Variants in IL1RN observed in about 807,000 individuals in gnomAD.
IL1RN encodes interleukin-1 receptor antagonist protein.
In IL1RN, 10 loss-of-function variants were observed where a neutral mutation model predicts 13.7. The ratio of observed to expected loss-of-function variants is 0.73; its 90% confidence interval spans 0.45 to 1.24. The LOEUF (loss-of-function observed/expected upper bound fraction) is 1.24, where lower values mean the gene tolerates loss of function less well. IL1RN is among the 50% of genes most tolerant of loss of function. The pLI is 0.00. For missense variants in IL1RN, 213 were observed against 222.1 expected, an observed-to-expected ratio of 0.96 and a Z score of 0.26; for synonymous variants, 102 against 82.7, an observed-to-expected ratio of 1.23 and a Z score of -1.27.
At position 113,133,319 on chromosome 2, in the gene IL1RN, G is replaced by T; in HGVS notation, c.*448G>T. 2 of 183,950 alleles carry T rather than the reference G, an allele frequency of 1.1e-5. No homozygotes were observed. Among genetic ancestry groups the T allele is most frequent in the South Asian group, 1.1e-4 (1 of 8,738 alleles). The allele number at this position is 183,950 out of a possible 1,614,324, so 11.4% of individuals were successfully genotyped here. ...CAGTCCATGAGGGAGGTTTTTAAGG[G>T]TTTGTGGAAAATGAAAATTAGGATT... is the stretch of plus-strand genomic sequence containing the variant. On this transcript the variant is annotated 3_prime_UTR_variant, in exon 4 of 4. Coordinates refer to ENST00000409930, the MANE Select transcript of IL1RN (RefSeq NM_173842.3).
upstream of IL1RN, among the ~76,000 whole-genome samples, chr2:113,116,397 T>G (rs554665487): frequency 4.5e-4 from 69 of 151,828 alleles, no homozygotes; most frequent in African/African-American, 1.6e-3. Context: ...AGCCAAACCT[T>G]ACACACCTTG....
chr2:113,123,129 A>AAAAT (rs547212860), upstream of IL1RN, among the ~76,000 whole-genome samples: 513 of 152,346 alleles, frequency 3.4e-3, 4 homozygotes, highest in African/African-American at 0.011. Flanking sequence ...CCATCTCAAA[A>AAAAT]AAATAAATAA....
upstream of IL1RN, among the ~76,000 whole-genome samples, chr2:113,110,147 A>ATGTCATT (rs1475955776): frequency 6.6e-6 from 1 of 152,212 alleles, no homozygotes; most frequent in Non-Finnish European, 1.5e-5. Flanking sequence ...ATCTGACTCC[A>ATGTCATT]TGTCATTCAC....
At chr2:113,127,554 A>G, upstream of IL1RN, 1 of 1,577,028 alleles carries the variant, frequency 6.3e-7, no homozygotes, top group Non-Finnish European at 8.6e-7. Context: ...AGCTTGGGTG[A>G]GTGACTATTT....
chr2:113,104,422 G>A (rs1686358822), upstream of IL1RN, among the ~76,000 whole-genome samples: 3 of 152,068 alleles, frequency 2.0e-5, no homozygotes, highest in South Asian at 6.2e-4. Flanking sequence ...TGAAAGGCTG[G>A]GTAGTGGGTA....
intron 2 of IL1RN, chr2:113,121,705 T>A (rs1232641421): frequency 4.1e-6 from 3 of 733,292 alleles, no homozygotes; most frequent in Non-Finnish European, 5.0e-6. Context: ...CCCTTCATCA[T>A]CCAGGAGAGC....
upstream of IL1RN, among the ~76,000 whole-genome samples, chr2:113,103,996 GT>G (rs112148416): frequency 1.1e-3 from 163 of 146,170 alleles, no homozygotes; most frequent in Admixed American, 2.1e-3. Flanking sequence ...ATCAAGGGGT[GT>G]TTTTTTTTTT....
At position 113,132,636 on chromosome 2, in the gene IL1RN, G is replaced by A. The variant is rs776631336; in HGVS notation, c.319-20G>A. On this transcript the variant is annotated intron_variant, in intron 3 of 3. Transcript: ENST00000409930. ...ACTTCCTAGGCCTCAGCTCTCACCTGCCCATCTTTTGATTTCCAGGCAGTT... is the reference window on the plus strand; with the variant it reads ...ACTTCCTAGGCCTCAGCTCTCACCTACCCATCTTTTGATTTCCAGGCAGTT... 8.7e-6 allele frequency: 14 copies of A among 1,611,070 alleles called. No homozygotes were observed. Among genetic ancestry groups the A allele is most frequent in the Non-Finnish European group, 1.2e-5 (14 of 1,177,190 alleles).
chr2:113,123,989 C>G (rs182261679), upstream of IL1RN, among the ~76,000 whole-genome samples: 177 of 152,222 alleles, frequency 1.2e-3, 1 homozygote, highest in Non-Finnish European at 2.2e-3. Context: ...AAGATGTGTC[C>G]CCTTACAGCA....
upstream of IL1RN, chr2:113,115,442 T>G (rs1276803467): frequency 1.3e-5 from 2 of 152,194 alleles, no homozygotes; most frequent in Non-Finnish European, 2.9e-5. Flanking sequence ...ATCTTGCTCC[T>G]CCATTCCTGA....
At chr2:113,111,614 A>C (rs1017682690) in intron 1 of IL1RN, among the ~76,000 whole-genome samples, 1 of 152,212 alleles carries the variant, frequency 6.6e-6, no homozygotes, top group African/African-American at 2.4e-5. Flanking sequence ...GTGTGGGTAT[A>C]TAAAGGCCTG....
At chr2:113,100,445 AG>A in the IL1RN span, among the ~76,000 whole-genome samples, 1 of 152,182 alleles carries the variant, frequency 6.6e-6, no homozygotes, top group Non-Finnish European at 1.5e-5. Context: ...GCAAATGACA[AG>A]GGGAGGACAG....
At chr2:113,126,751 G>C (rs150379910), upstream of IL1RN, among the ~76,000 whole-genome samples, 268 of 151,394 alleles carry the variant, frequency 1.8e-3, 1 homozygote, top group African/African-American at 6.0e-3. Context: ...CATTCTGAGA[G>C]TGAAGAGACA....
At chr2:113,110,699 A>G (rs910776534), upstream of IL1RN, among the ~76,000 whole-genome samples, 3 of 152,242 alleles carry the variant, frequency 2.0e-5, no homozygotes, top group African/African-American at 7.2e-5. Context: ...TTGACTTGTC[A>G]ATGGTAAAGT....
chr2:113,100,911 G>T, the IL1RN span, among the ~76,000 whole-genome samples: 1 of 152,092 alleles, frequency 6.6e-6, no homozygotes, highest in Non-Finnish European at 1.5e-5. Flanking sequence ...AGTTGGAATG[G>T]GCAGATGAAT....
upstream of IL1RN, among the ~76,000 whole-genome samples, chr2:113,117,003 C>T (rs1289239636): frequency 6.6e-6 from 1 of 152,218 alleles, no homozygotes; most frequent in East Asian, 1.9e-4. Flanking sequence ...CTTCGTCCTG[C>T]CCAGGGGTCT....
chr2:113,107,448 G>A (rs541880642), upstream of IL1RN: 1 of 152,252 alleles, frequency 6.6e-6, no homozygotes, highest in East Asian at 1.9e-4. Context: ...TTTTGGCCAG[G>A]CGTGGTGGCT....
At position 113,132,816 on chromosome 2, in the gene IL1RN, A is replaced by G; in HGVS notation, c.479A>G (p.Asn160Ser). 4 of 1,614,238 alleles carry G rather than the reference A, an allele frequency of 2.5e-6. No homozygotes were observed. Among genetic ancestry groups the G allele is most frequent in the Non-Finnish European group, 3.4e-6 (4 of 1,180,044 alleles). Reference sequence around the variant, plus strand: ...GCTGACCAGCCCGTCAGCCTCACCAATATGCCTGACGAAGGCGTCATGGTC... The same window carrying G: ...GCTGACCAGCCCGTCAGCCTCACCAGTATGCCTGACGAAGGCGTCATGGTC... The part of the protein sequence containing the change: ...MEADQPVSLT[N>S]MPDEGVMVTK... Residue 160 changes from asparagine to serine, a missense_variant, in exon 4 of 4, where the codon AAT (asparagine) becomes AGT (serine). Physicochemically the swap from Asn to Ser is conservative, Grantham distance 46. Transcript: ENST00000409930.
upstream of IL1RN, among the ~76,000 whole-genome samples, chr2:113,122,814 A>C (rs1257612866): frequency 6.6e-6 from 1 of 152,190 alleles, no homozygotes; most frequent in Admixed American, 6.5e-5. Context: ...AGCCATCCTG[A>C]ATAATAAGAC....
Sources: allele counts gnomAD v4.1 joint callset (sites outside exome capture counted in the v4.1 genomes callset), GRCh38; gene constraint gnomAD v4.1.1; transcripts MANE v1.5; gene names NCBI Gene and HGNC (gene_info 2026-07-23, HGNC 2026-07-21).